Variants in TACC2 observed in about 807,000 individuals in gnomAD.
TACC2 encodes transforming acidic coiled-coil containing protein 2.
A neutral mutation model predicts 227.3 loss-of-function variants in TACC2; 137 were observed. The observed-to-expected ratio is 0.60, with a 90% CI of 0.52 to 0.69. The LOEUF (loss-of-function observed/expected upper bound fraction) is 0.69, where lower values mean the gene tolerates loss of function less well. Ranked by LOEUF, TACC2 falls within the 30% of genes least tolerant of loss-of-function variation. TACC2 has a pLI of 0.00. For synonymous variants in TACC2, 1,523 were observed against 1,487.5 expected (o/e 1.02, Z -0.55); for missense variants, 3,470 against 3,694.4 (o/e 0.94, Z 1.57).
Position 122,084,379 on chromosome 10 carries a change from C to G in TACC2, c.1879C>G (p.His627Asp). The change falls in exon 4 of 23, where the codon CAT becomes GAT. Residue 627 changes from histidine (H) to aspartate (D), a missense_variant. This residue lies in a region of TACC2 where 1,924 missense variants were observed against 1,978.3 expected (regional missense o/e 0.97). Coordinates refer to ENST00000369005, the MANE Select transcript of TACC2 (RefSeq NM_206862.4). ...KPSSDAESRDHPSSHSAQPPR... is the reference protein window; with the variant it reads ...KPSSDAESRDDPSSHSAQPPR... ...AAGCAGTGATGCAGAGAGCAGAGAC[C>G]ATCCCAGCTCACACTCAGCACAGCC... 2 of 1,613,362 alleles carry G rather than the reference C, an allele frequency of 1.2e-6. No individual in the cohort carries two copies. Among genetic ancestry groups the G allele is most frequent in the African/African-American group, 1.3e-5 (1 of 75,044 alleles).
intron 18 of TACC2, chr10:122,241,739 C>T: frequency 5.1e-6 from 3 of 583,372 alleles, no homozygotes; most frequent in South Asian, 2.1e-5. Context: ...GATTTTTTTT[C>T]TTAGTGGGCA....
At chr10:122,252,797 A>G (rs2096276504) in intron 22 of TACC2, among the ~76,000 whole-genome samples, 1 of 152,120 alleles carries the variant, frequency 6.6e-6, no homozygotes, top group African/African-American at 2.4e-5. Flanking sequence ...CCGGCCAATA[A>G]TAGTAATTTT....
At chr10:122,040,227 T>C (rs1283518293) in intron 2 of TACC2, among the ~76,000 whole-genome samples, 2 of 152,064 alleles carry the variant, frequency 1.3e-5, no homozygotes, top group Non-Finnish European at 2.9e-5. Context: ...CACGGTCCAA[T>C]GGGAAGTTGG....
In TACC2 at chr10:122,210,737, G is replaced by T. The variant is rs1383528125; in HGVS notation, c.6312G>T (p.Glu2104Asp). The T allele has an allele frequency of 9.9e-6, 16 of 1,614,012 alleles. No homozygotes were observed. Among genetic ancestry groups the T allele is most frequent in the Non-Finnish European group, 1.4e-5 (16 of 1,180,022 alleles). The change falls in exon 9 of 23, where the codon GAG becomes GAT. Residue 2104 changes from glutamate (E) to aspartate (D), a missense_variant. By Grantham distance (45) the Glu-to-Asp change is conservative. Coordinates refer to ENST00000369005, the MANE Select transcript of TACC2 (RefSeq NM_206862.4). This position sits in a 1 kb window ranked among gnomAD's most constrained non-coding sequence, Gnocchi z 4.6. ...FDGASSSGNP[E>D]AVALAPDAYS... is the part of the protein sequence containing the mutation. ...GTGCTTCTTCCTCAGGCAATCCCGA[G>T]GCCGTGGCCCTTGCCCCAGATGCAT...
At chr10:122,164,590 T>G (rs747828161) in intron 7 of TACC2, among the ~76,000 whole-genome samples, 7 of 152,356 alleles carry the variant, frequency 4.6e-5, no homozygotes, top group Non-Finnish European at 8.8e-5. Flanking sequence ...ATCCGATCTT[T>G]TCTCTCAACC....
intron 8 of TACC2, among the ~76,000 whole-genome samples, chr10:122,208,362 G>A (rs2095195243): frequency 6.6e-6 from 1 of 152,198 alleles, no homozygotes; most frequent in Non-Finnish European, 1.5e-5. Context: ...CTTGTGTTGT[G>A]AGCTGAGTTC....
chr10:122,021,962 GCTGGGAACA>G lies in TACC2; in HGVS notation c.-16_-8del. 1 of 1,613,854 alleles carries G rather than the reference GCTGGGAACA, an allele frequency of 6.2e-7. No homozygotes were observed. The highest frequency in any genetic ancestry group is 2.2e-5 in the East Asian group (1 of 44,882). ...TCACCTCTGACAAAATTCTGGGGACGCTGGGAACACTGAATCAACATGGGCAATGAGAAC... is the reference window on the plus strand; with the variant it reads ...TCACCTCTGACAAAATTCTGGGGACGCTGAATCAACATGGGCAATGAGAAC... On this transcript the variant is annotated 5_prime_UTR_variant, in exon 2 of 23. Transcript: ENST00000369005.
intron 11 of TACC2, among the ~76,000 whole-genome samples, chr10:122,221,157 G>C (rs1253066534): frequency 2.0e-5 from 3 of 152,250 alleles, no homozygotes; most frequent in Non-Finnish European, 2.9e-5. Flanking sequence ...GGCTGTAATT[G>C]TATCAACTCA....
intron 9 of TACC2, among the ~76,000 whole-genome samples, chr10:122,214,309 T>C (rs1006617345): frequency 5.9e-5 from 9 of 152,268 alleles, no homozygotes; most frequent in Non-Finnish European, 1.2e-4. Flanking sequence ...TTGCACTGTT[T>C]TAATGGCAAA....
intron 2 of TACC2, among the ~76,000 whole-genome samples, chr10:122,036,311 G>A (rs11200361): frequency 0.67 from 100,401 of 150,336 alleles, 33,877 homozygotes; most frequent in East Asian, 0.79. Context: ...TCCTGCCTCA[G>A]CCTCCCGAGT....
rs1182476632 is a variant in TACC2, at chr10:122,150,576, C to T, written c.5834+6870C>T. Among the ~76,000 whole-genome samples the T allele has an allele frequency of 6.6e-6, 1 of 152,182 alleles. No individual in the cohort carries two copies. The highest frequency in any genetic ancestry group is 2.4e-5 in the African/African-American group (1 of 41,450). On this transcript the variant is annotated intron_variant, in intron 7 of 22. Coordinates refer to ENST00000369005, the MANE Select transcript of TACC2 (RefSeq NM_206862.4). This position sits in a 1 kb window ranked among gnomAD's most constrained non-coding sequence, Gnocchi z 4.0. The stretch of plus-strand genomic sequence containing the variant: ...TGCAGAAAGAGGGGTGGCCAGGAGA[C>T]GGCTGGTCACAGAGTGCCCCAAAGG...
rs1331422198 is a variant in TACC2 at position 122,083,802 on chromosome 10, A to G, written c.1302A>G (p.Val434=). Residue 434 remains valine (V), a synonymous_variant, in exon 4 of 23, where the codon GTA becomes GTG. Transcript: ENST00000369005. ...SFPAAQIPIA[V]EEPGSSSRES... ...CAGCTGCTCAGATTCCTATTGCTGT[A>G]GAAGAACCTGGATCATCATCCAGGG... 2.5e-6 allele frequency: 4 copies of G among 1,614,074 alleles called. No homozygotes were observed. Among genetic ancestry groups the G allele is most frequent in the Non-Finnish European group, 3.4e-6 (4 of 1,180,042 alleles).
At chr10:122,170,927 T>G (rs980386100) in intron 7 of TACC2, among the ~76,000 whole-genome samples, 2 of 152,130 alleles carry the variant, frequency 1.3e-5, no homozygotes, top group Non-Finnish European at 2.9e-5. Context: ...CCTGTCTTTA[T>G]CTCCTTCCAC....
intron 5 of TACC2, among the ~76,000 whole-genome samples, chr10:122,128,046 GA>G (rs2087224006): frequency 6.6e-6 from 1 of 152,284 alleles, no homozygotes; most frequent in Non-Finnish European, 1.5e-5. Flanking sequence ...CTGCAAGGCA[GA>G]AGGTGGCAGG....
rs1376921148 is a variant in TACC2, at chr10:122,209,275, G to T, written c.5972-1122G>T. On this transcript the variant is annotated intron_variant, in intron 8 of 22. Transcript: ENST00000369005. The surrounding 1 kb of genome is among the most constrained non-coding windows in gnomAD (Gnocchi z 4.5). Reference sequence around the variant, plus strand: ...GCAAGTGCTACTACAGGTGCCGGGGGCCTCCGTGTACAGGCTCCCCTGATC... The same window carrying T: ...GCAAGTGCTACTACAGGTGCCGGGGTCCTCCGTGTACAGGCTCCCCTGATC... Among the ~76,000 whole-genome samples the T allele has an allele frequency of 6.6e-6, 1 of 152,092 alleles. No homozygotes were observed. Among genetic ancestry groups the T allele is most frequent in the African/African-American group, 2.4e-5 (1 of 41,398 alleles).
chr10:122,195,801 A>T (rs1228177409), intron 8 of TACC2, among the ~76,000 whole-genome samples: 2 of 152,140 alleles, frequency 1.3e-5, no homozygotes, highest in Admixed American at 6.5e-5. Flanking sequence ...CAGCACAGAG[A>T]ACCACCTCTC....
chr10:122,214,843 A>G (rs1180121511), intron 9 of TACC2, among the ~76,000 whole-genome samples: 2 of 152,210 alleles, frequency 1.3e-5, no homozygotes, highest in South Asian at 4.1e-4. Context: ...GATTCCACCT[A>G]GAAGCCTTCA....
rs907333113 is a variant in TACC2 at position 122,211,178 on chromosome 10, G to C, written c.6753G>C (p.Gly2251=). The C allele has an allele frequency of 6.2e-7, 1 of 1,612,610 alleles. No homozygotes were observed. The change falls in exon 9 of 23, where the codon GGG becomes GGC. Residue 2251 remains glycine, a synonymous_variant. Coordinates refer to ENST00000369005, the MANE Select transcript of TACC2 (RefSeq NM_206862.4). ...EAGEVTPSDS[G]GQEDSPAKGL... ...GGGAGGTAACCCCATCGGATAGCGG[G>C]GGGCAAGAGGACTCTCCAGCCAAAG...
intron 7 of TACC2, among the ~76,000 whole-genome samples, chr10:122,165,297 C>G (rs2093090034): frequency 6.6e-6 from 1 of 152,032 alleles, no homozygotes; most frequent in African/African-American, 2.4e-5. Flanking sequence ...TTTTGCAAGT[C>G]CCTATAGTGG....
Sources: gnomAD v4.1 joint callset for allele counts (sites outside exome capture counted in the v4.1 genomes callset) on GRCh38, gnomAD v4.1.1 for gene constraint, gnomAD v4.1.1 regional missense constraint, Gnocchi (gnomAD v3.1) non-coding constraint, MANE v1.5 for transcripts, NCBI Gene and HGNC (gene_info 2026-07-23, HGNC 2026-07-21) for gene names.